Variants in CMIP observed in about 807,000 individuals in gnomAD.
CMIP encodes the protein C-Maf-inducing protein.
In CMIP, 13 loss-of-function variants were observed where a neutral mutation model predicts 97.3. The observed-to-expected ratio is 0.13, with a 90% CI of 0.09 to 0.21. CMIP has a LOEUF of 0.21. Ranked by LOEUF, CMIP falls within the 10% of genes least tolerant of loss-of-function variation. CMIP has a pLI of 1.00. For synonymous variants in CMIP, 538 were observed against 436.3 expected, an observed-to-expected ratio of 1.23 and a Z score of -2.91; for missense variants, 847 against 1,024.9, an observed-to-expected ratio of 0.83 and a Z score of 2.37.
chr16:81,565,573 A>G (rs1320289696), intron 1 of CMIP, among the ~76,000 whole-genome samples: 2 of 152,182 alleles, frequency 1.3e-5, no homozygotes, highest in Non-Finnish European at 2.9e-5. Context: ...GGGCTCAGGC[A>G]GATGCTGACT....
intron 1 of CMIP, among the ~76,000 whole-genome samples, chr16:81,591,265 G>A (rs1228746848): frequency 6.6e-6 from 1 of 152,186 alleles, no homozygotes; most frequent in African/African-American, 2.4e-5. Context: ...AGTTGACCCA[G>A]TATCTGGCAC....
At chr16:81,452,748 C>T (rs941842050) in intron 1 of CMIP, among the ~76,000 whole-genome samples, 4 of 151,996 alleles carry the variant, frequency 2.6e-5, no homozygotes. Flanking sequence ...CTCTGTGGAG[C>T]TGTTATTATC....
At chr16:81,466,748 C>G (rs946964852) in intron 1 of CMIP, among the ~76,000 whole-genome samples, 1 of 152,154 alleles carries the variant, frequency 6.6e-6, no homozygotes, top group Non-Finnish European at 1.5e-5. Flanking sequence ...CTTAGCACAG[C>G]GCCGTTTCCC....
intron 1 of CMIP, among the ~76,000 whole-genome samples, chr16:81,540,530 G>T (rs1050420323): frequency 3.9e-5 from 6 of 152,122 alleles, no homozygotes; most frequent in African/African-American, 1.4e-4. Flanking sequence ...TGAACTCCTG[G>T]GCTCAAGTGA....
intron 1 of CMIP, among the ~76,000 whole-genome samples, chr16:81,445,893 C>T (rs1471364344): frequency 6.6e-6 from 1 of 151,034 alleles, no homozygotes; most frequent in Non-Finnish European, 1.5e-5. Context: ...TGGGGGTTCT[C>T]TCTGGAAGCC....
chr16:81,617,889 C>T (rs1050609929), intron 2 of CMIP, among the ~76,000 whole-genome samples: 1 of 152,236 alleles, frequency 6.6e-6, no homozygotes, highest in Non-Finnish European at 1.5e-5. Context: ...TAGGGTCACA[C>T]ATATATACAG....
chr16:81,494,873 G>A (rs966208033), intron 1 of CMIP, among the ~76,000 whole-genome samples: 2 of 152,172 alleles, frequency 1.3e-5, no homozygotes, highest in Non-Finnish European at 2.9e-5. Flanking sequence ...TACTTGCCAG[G>A]TGCTTTCTCA....
chr16:81,667,806 G>C, intron 7 of CMIP, among the ~76,000 whole-genome samples: 1 of 127,640 alleles, frequency 7.8e-6, no homozygotes, highest in African/African-American at 3.8e-5. Flanking sequence ...GAGAGTGTGT[G>C]TGTGTGTGTG....
intron 3 of CMIP, among the ~76,000 whole-genome samples, chr16:81,637,597 C>G (rs2092252793): frequency 6.6e-6 from 1 of 152,118 alleles, no homozygotes; most frequent in Non-Finnish European, 1.5e-5. Flanking sequence ...AAAAGAAATT[C>G]AAGTGTAGAT....
At chr16:81,661,996 A>T (rs1433405066) in intron 6 of CMIP, among the ~76,000 whole-genome samples, 1 of 151,794 alleles carries the variant, frequency 6.6e-6, no homozygotes, top group Non-Finnish European at 1.5e-5. Flanking sequence ...AACACCCGTG[A>T]GTGTGTGTGT....
At chr16:81,525,347 T>C (rs1221343921) in intron 1 of CMIP, among the ~76,000 whole-genome samples, 1 of 151,930 alleles carries the variant, frequency 6.6e-6, no homozygotes, top group African/African-American at 2.4e-5. Context: ...TTCACCATGT[T>C]GGCCAGGCTG....
chr16:81,622,649 G>T (rs1452896904), intron 3 of CMIP, among the ~76,000 whole-genome samples: 1 of 152,210 alleles, frequency 6.6e-6, no homozygotes, highest in Non-Finnish European at 1.5e-5. Flanking sequence ...CAGGTTGGGG[G>T]AAAAATGCCT....
intron 20 of CMIP, 85 bp downstream of exon 20, chr16:81,707,169 G>C: frequency 9.1e-7 from 1 of 1,094,694 alleles, no homozygotes; most frequent in Non-Finnish European, 1.4e-6. Context: ...CACAGAGCTC[G>C]TTCTCCAGTA....
intron 1 of CMIP, among the ~76,000 whole-genome samples, chr16:81,539,162 C>T (rs768629457): frequency 1.7e-4 from 26 of 152,178 alleles, no homozygotes; most frequent in Non-Finnish European, 3.4e-4. Context: ...TGCAGCGAAA[C>T]AGTTGGGTGT....
chr16:81,503,830 G>C (rs1035650912), intron 1 of CMIP, among the ~76,000 whole-genome samples: 2 of 152,244 alleles, frequency 1.3e-5, no homozygotes, highest in African/African-American at 4.8e-5. Context: ...TCCCTGAGCG[G>C]ATCACCAGGC....
chr16:81,511,900 C>T (rs1329786245), intron 1 of CMIP, among the ~76,000 whole-genome samples: 1 of 152,178 alleles, frequency 6.6e-6, no homozygotes, highest in African/African-American at 2.4e-5. Context: ...AATACCACGG[C>T]CACCAGCCAC....
At chr16:81,697,610 A>G (rs1254381048) in intron 14 of CMIP, 1 of 152,184 alleles carries the variant, frequency 6.6e-6, no homozygotes, top group African/African-American at 2.4e-5. Flanking sequence ...TCTCGAGGTT[A>G]CCGCAGCGAT....
At chr16:81,448,673 G>A (rs1906018570) in intron 1 of CMIP, among the ~76,000 whole-genome samples, 1 of 152,252 alleles carries the variant, frequency 6.6e-6, no homozygotes, top group African/African-American at 2.4e-5. Flanking sequence ...TGTGGCTTGT[G>A]ACGGCCGCCA....
intron 1 of CMIP, among the ~76,000 whole-genome samples, chr16:81,508,032 C>T (rs531736505): frequency 7.9e-5 from 12 of 152,290 alleles, no homozygotes; most frequent in Non-Finnish European, 1.0e-4. Context: ...CCATGCTTAA[C>T]GGAGGAATCA....
Sources: gnomAD v4.1 joint callset for allele counts (sites outside exome capture counted in the v4.1 genomes callset) on GRCh38, gnomAD v4.1.1 for gene constraint, MANE v1.5 for transcripts, NCBI Gene and HGNC (gene_info 2026-07-23, HGNC 2026-07-21) for gene names.